ADAMTSL1: variants seen among roughly 807,000 people sequenced by gnomAD.
ADAMTSL1 encodes the protein ADAMTS-like protein 1.
A neutral mutation model predicts 201.8 loss-of-function variants in ADAMTSL1; 126 were observed. That is an observed-to-expected ratio of 0.62 (90% CI 0.54 to 0.72). ADAMTSL1 has a LOEUF of 0.72. Ranked by LOEUF, ADAMTSL1 falls within the 30% of genes least tolerant of loss-of-function variation. The probability of loss-of-function intolerance (pLI) is 0.00; values close to 1 mark genes in which losing one functional copy is unlikely to be tolerated. For synonymous variants in ADAMTSL1, 1,121 were observed against 903.4 expected, an observed-to-expected ratio of 1.24 and a Z score of -4.32; for missense variants, 2,679 against 2,277.8, an observed-to-expected ratio of 1.18 and a Z score of -3.59.
intron 1 of ADAMTSL1, among the ~76,000 whole-genome samples, chr9:18,482,669 G>A (rs1821788153): frequency 6.6e-6 from 1 of 152,198 alleles, no homozygotes; most frequent in Non-Finnish European, 1.5e-5. Context: ...GTAAGGTATG[G>A]TAGGGTATCT....
At chr9:18,027,326 C>T (rs1466301101) in intron 1 of ADAMTSL1, among the ~76,000 whole-genome samples, 3 of 151,764 alleles carry the variant, frequency 2.0e-5, no homozygotes, top group Middle Eastern at 3.2e-3. Context: ...TGAGATCTTT[C>T]TAACTTCTTG....
At chr9:18,246,161 G>T (rs1383247440) in intron 2 of ADAMTSL1, among the ~76,000 whole-genome samples, 1 of 152,122 alleles carries the variant, frequency 6.6e-6, no homozygotes, top group Non-Finnish European at 1.5e-5. Context: ...GCCATCTGGT[G>T]TATATTTAGA....
intron 26 of ADAMTSL1, among the ~76,000 whole-genome samples, chr9:18,898,972 A>G (rs1829833420): frequency 6.6e-6 from 1 of 152,252 alleles, no homozygotes; most frequent in Admixed American, 6.5e-5. Flanking sequence ...AAGAGAAAGA[A>G]AGCAAGCATA....
intron 3 of ADAMTSL1, among the ~76,000 whole-genome samples, chr9:18,556,561 C>G (rs781444530): frequency 6.6e-6 from 1 of 151,906 alleles, no homozygotes; most frequent in African/African-American, 2.4e-5. Flanking sequence ...GAGGCTGGTG[C>G]TAAGAAGCTA....
At chr9:18,058,757 T>G (rs147120904) in intron 1 of ADAMTSL1, among the ~76,000 whole-genome samples, 1 of 152,296 alleles carries the variant, frequency 6.6e-6, no homozygotes, top group East Asian at 1.9e-4. Context: ...ACATCTATTG[T>G]GTCTCTACAC....
intron 2 of ADAMTSL1, among the ~76,000 whole-genome samples, chr9:18,288,439 G>A (rs1563860871): frequency 6.6e-6 from 1 of 152,068 alleles, no homozygotes; most frequent in Non-Finnish European, 1.5e-5. Flanking sequence ...CAACTTTAAA[G>A]GACTATGTTA....
chr9:18,102,728 T>C (rs192957435), intron 1 of ADAMTSL1, among the ~76,000 whole-genome samples: 5 of 152,326 alleles, frequency 3.3e-5, no homozygotes, highest in Non-Finnish European at 4.4e-5. Flanking sequence ...CTGTATGGCA[T>C]GTAAAAGGAA....
At chr9:17,972,216 G>C (rs973733433) in intron 1 of ADAMTSL1, among the ~76,000 whole-genome samples, 1 of 144,174 alleles carries the variant, frequency 6.9e-6, no homozygotes, top group Non-Finnish European at 1.5e-5. Context: ...ACAATGTGCA[G>C]GTTTGTTACC....
chr9:18,789,982 G>A (rs1175171396), intron 19 of ADAMTSL1, among the ~76,000 whole-genome samples: 1 of 152,136 alleles, frequency 6.6e-6, no homozygotes, highest in African/African-American at 2.4e-5. Context: ...GAGGCCTGAG[G>A]TGGCACAATA....
At chr9:18,175,506 T>G (rs913110678) in intron 2 of ADAMTSL1, among the ~76,000 whole-genome samples, 5 of 152,188 alleles carry the variant, frequency 3.3e-5, no homozygotes, top group African/African-American at 1.2e-4. Flanking sequence ...TCAAAACACC[T>G]TAGTCTGATT....
chr9:18,506,216 C>G (rs750114687), intron 2 of ADAMTSL1, among the ~76,000 whole-genome samples: 3 of 152,188 alleles, frequency 2.0e-5, no homozygotes, highest in Non-Finnish European at 4.4e-5. Flanking sequence ...GACTTTTGCT[C>G]CTTATGATTC....
intron 1 of ADAMTSL1, among the ~76,000 whole-genome samples, chr9:18,150,913 T>A (rs1448251553): frequency 6.6e-6 from 1 of 151,862 alleles, no homozygotes; most frequent in East Asian, 1.9e-4. Flanking sequence ...TATTTTTTTT[T>A]TCTGTGAAAT....
Position 18,777,016 on chromosome 9 carries a change from C to T in ADAMTSL1, c.2787C>T (p.Phe929=), listed in dbSNP as rs775121389. The T allele has an allele frequency of 9.3e-6, 15 of 1,606,006 alleles. No individual in the cohort carries two copies. Among genetic ancestry groups the T allele is most frequent in the East Asian group, 9.0e-5 (4 of 44,666 alleles). ...ISSTHVTVAP[F]GYLKIHRLKP... The stretch of plus-strand genomic sequence containing the variant: ...CGACGCACGTCACGGTGGCCCCCTT[C>T]GGCTATCTCAAGATCCACCGCCTCA... Residue 929 remains phenylalanine, a synonymous_variant, in exon 19 of 29, where the codon TTC becomes TTT. Coordinates refer to ENST00000380548, the MANE Select transcript of ADAMTSL1 (RefSeq NM_001040272.6).
intron 1 of ADAMTSL1, among the ~76,000 whole-genome samples, chr9:17,996,128 C>A (rs748492872): frequency 6.6e-6 from 1 of 151,884 alleles, no homozygotes; most frequent in Admixed American, 6.6e-5. Flanking sequence ...ATTAAATTAT[C>A]ACATCCTAAC....
At position 18,244,704 on chromosome 9, in the gene ADAMTSL1, T is replaced by C. The variant is rs939166265; in HGVS notation, c.207+80723T>C. Among the ~76,000 whole-genome samples the C allele has an allele frequency of 2.6e-5, 4 of 152,168 alleles. No individual in the cohort carries two copies. The South Asian group carries it at 8.3e-4, about 31-fold the overall frequency. On this transcript the variant is annotated intron_variant, in intron 2 of 29. Transcript: ENST00000680146. The stretch of plus-strand genomic sequence containing the variant: ...CCTTTGGTACATTCCAATTTTCTGA[T>C]ACAAATAAGCAGTGGTGTCAAATAG...
chr9:18,615,533 T>C (rs1441103651), intron 4 of ADAMTSL1, among the ~76,000 whole-genome samples: 1 of 152,208 alleles, frequency 6.6e-6, no homozygotes, highest in Non-Finnish European at 1.5e-5. Flanking sequence ...GTATGCCTTT[T>C]CATGGTTAAT....
intron 1 of ADAMTSL1, among the ~76,000 whole-genome samples, chr9:18,003,349 A>G (rs1294390918): frequency 6.6e-6 from 1 of 152,048 alleles, no homozygotes; most frequent in African/African-American, 2.4e-5. Context: ...GAAGGTTGCA[A>G]ATACTCAAGA....
At chr9:18,285,030 C>T (rs758817557) in intron 2 of ADAMTSL1, among the ~76,000 whole-genome samples, 10 of 152,118 alleles carry the variant, frequency 6.6e-5, no homozygotes, top group Non-Finnish European at 1.5e-4. Flanking sequence ...TCTTTGGACA[C>T]ATCTCATGAT....
intron 1 of ADAMTSL1, among the ~76,000 whole-genome samples, chr9:17,925,798 A>T (rs1267131226): frequency 6.6e-6 from 1 of 150,518 alleles, no homozygotes; most frequent in Non-Finnish European, 1.5e-5. Context: ...TGGCGCATGT[A>T]TACGTATGTA....
Sources: gnomAD v4.1 joint callset for allele counts (sites outside exome capture counted in the v4.1 genomes callset) on GRCh38, gnomAD v4.1.1 for gene constraint, MANE v1.5 for transcripts, NCBI Gene and HGNC (gene_info 2026-07-23, HGNC 2026-07-21) for gene names.